The following HOMER2 variants were observed in gnomAD, a reference collection of about 807,000 sequenced individuals.
HOMER2 encodes the protein homer scaffold protein 2.
In HOMER2, 27 loss-of-function variants were observed where a neutral mutation model predicts 47.0. The observed-to-expected ratio is 0.57, with a 90% CI of 0.42 to 0.79. The LOEUF (loss-of-function observed/expected upper bound fraction) is 0.79, where lower values mean the gene tolerates loss of function less well. Among genes scored for constraint, HOMER2 ranks in the 30% least tolerant of loss-of-function variants. The pLI is 0.00. For synonymous variants in HOMER2, 161 were observed against 163.8 expected (o/e 0.98, Z 0.13); for missense variants, 443 against 435.0 (o/e 1.02, Z -0.16).
At chr15:82,920,245 G>A (rs923696332) in intron 1 of HOMER2, among the ~76,000 whole-genome samples, 3 of 152,124 alleles carry the variant, frequency 2.0e-5, no homozygotes, top group African/African-American at 7.2e-5. Flanking sequence ...CAAGATGAGC[G>A]GGAGGTCAAC....
At position 82,852,303 on chromosome 15, in the gene HOMER2, A is replaced by G. The variant is rs374369929; in HGVS notation, c.652-51T>C. 2.4e-6 allele frequency: 3 copies of G among 1,254,154 alleles called. No individual in the cohort carries two copies. The African/African-American group carries it at 4.4e-5, about 18-fold the overall frequency. The allele number at this position is 1,254,154 out of a possible 1,614,324, so 77.7% of individuals were successfully genotyped here. A position where few individuals can be genotyped will look rare whatever the true frequency, so the allele number is the denominator to read the frequency against. On this transcript the variant is annotated intron_variant, in intron 6 of 8. Coordinates refer to ENST00000450735, the MANE Select transcript of HOMER2 (RefSeq NM_004839.4). The stretch of plus-strand genomic sequence containing the variant: ...CAGGGACGCCAGCTTAACATTAGTC[A>G]TTAAGCAAGAGATCACCACAGCTAT...
intron 1 of HOMER2, among the ~76,000 whole-genome samples, chr15:82,919,640 A>C (rs1177450023): frequency 6.6e-6 from 1 of 152,246 alleles, no homozygotes; most frequent in Non-Finnish European, 1.5e-5. Context: ...CAAGTCAATA[A>C]ATTAACACAA....
At chr15:82,904,789 C>T (rs1189390719) in intron 1 of HOMER2, among the ~76,000 whole-genome samples, 1 of 152,102 alleles carries the variant, frequency 6.6e-6, no homozygotes, top group Non-Finnish European at 1.5e-5. Context: ...TCCCCTCCCC[C>T]GGACCTTATC....
chr15:82,905,349 G>GC (rs1419903194), intron 1 of HOMER2, among the ~76,000 whole-genome samples: 9 of 149,802 alleles, frequency 6.0e-5, no homozygotes, highest in Admixed American at 6.0e-4. Context: ...TATAAGATAG[G>GC]CATAATAAAA....
intron 2 of HOMER2, among the ~76,000 whole-genome samples, chr15:82,881,163 A>T (rs1333538543): frequency 6.6e-6 from 1 of 152,212 alleles, no homozygotes; most frequent in Non-Finnish European, 1.5e-5. Flanking sequence ...TTCACAGAGA[A>T]AGAAGCCACC....
intron 2 of HOMER2, among the ~76,000 whole-genome samples, chr15:82,888,776 T>A (rs1285913864): frequency 2.7e-3 from 216 of 80,096 alleles, no homozygotes; most frequent in East Asian, 6.6e-3. Flanking sequence ...GCACACACAC[T>A]GGCCTGCGCC....
At chr15:82,838,416 A>G (rs932732372) in exon 2 of HOMER2, 3 of 152,270 alleles carry the variant, frequency 2.0e-5, no homozygotes, top group African/African-American at 7.2e-5. Context: ...TGGCAGCCAC[A>G]GAATTATTTC....
At chr15:82,980,695 C>T (rs1383433895) in intron 1 of HOMER2, among the ~76,000 whole-genome samples, 1 of 152,098 alleles carries the variant, frequency 6.6e-6, no homozygotes, top group Non-Finnish European at 1.5e-5. Context: ...AACTTGGAAA[C>T]AAAGTGAGAA....
chr15:82,882,722 T>C (rs1490534989), intron 2 of HOMER2, among the ~76,000 whole-genome samples: 1 of 152,174 alleles, frequency 6.6e-6, no homozygotes, highest in Non-Finnish European at 1.5e-5. Context: ...GCAGAGGAGC[T>C]GGCTGTGCCT....
chr15:82,859,212 C>A, intron 4 of HOMER2, 77 bp from the exon 5 acceptor site: 1 of 1,600,424 alleles, frequency 6.2e-7, no homozygotes, highest in Non-Finnish European at 8.5e-7. Flanking sequence ...CTTGTCTGCA[C>A]ATCGGCAGCA....
intron 1 of HOMER2, among the ~76,000 whole-genome samples, chr15:82,942,224 C>T (rs944780687): frequency 1.3e-5 from 2 of 152,208 alleles, no homozygotes; most frequent in East Asian, 3.8e-4. Context: ...CAGCCATCTC[C>T]CTCAGGAAGG....
intron 1 of HOMER2, among the ~76,000 whole-genome samples, chr15:82,972,492 G>C (rs1016812846): frequency 2.0e-5 from 3 of 152,140 alleles, no homozygotes; most frequent in Non-Finnish European, 2.9e-5. Flanking sequence ...TGGATTACAG[G>C]CATGTGCCAC....
chr15:82,975,026 C>T (rs1268600780), intron 1 of HOMER2, among the ~76,000 whole-genome samples: 1 of 152,084 alleles, frequency 6.6e-6, no homozygotes, highest in African/African-American at 2.4e-5. Flanking sequence ...GCCAAGATTG[C>T]ACCACTGCAC....
At chr15:82,836,570 G>A (rs2051129386), downstream of HOMER2, among the ~76,000 whole-genome samples, 1 of 152,196 alleles carries the variant, frequency 6.6e-6, no homozygotes, top group Admixed American at 6.5e-5. Flanking sequence ...TTTTCCGCCA[G>A]GTCTTCTCTG....
intron 1 of HOMER2, among the ~76,000 whole-genome samples, chr15:82,910,638 T>A (rs190516166): frequency 2.6e-5 from 4 of 152,314 alleles, no homozygotes; most frequent in African/African-American, 9.6e-5. Flanking sequence ...CTGCTTTAGA[T>A]AATAGGGAAG....
At chr15:82,873,465 G>C (rs923783492) in intron 3 of HOMER2, among the ~76,000 whole-genome samples, 1 of 152,176 alleles carries the variant, frequency 6.6e-6, no homozygotes, top group Non-Finnish European at 1.5e-5. Flanking sequence ...CTCCTCCCAG[G>C]TACCGTATCA....
At chr15:82,871,064 T>C (rs2052160551) in intron 3 of HOMER2, among the ~76,000 whole-genome samples, 1 of 152,252 alleles carries the variant, frequency 6.6e-6, no homozygotes, top group South Asian at 2.1e-4. Context: ...AAGTGCCTTT[T>C]CAATTTCCTT....
intron 1 of HOMER2, among the ~76,000 whole-genome samples, chr15:82,907,692 G>C (rs1391486857): frequency 6.6e-6 from 1 of 152,096 alleles, no homozygotes; most frequent in Non-Finnish European, 1.5e-5. Context: ...CTTTTTCAAA[G>C]TGACATGGAA....
At chr15:82,894,454 G>A (rs534244059) in intron 1 of HOMER2, among the ~76,000 whole-genome samples, 2 of 152,060 alleles carry the variant, frequency 1.3e-5, no homozygotes, top group East Asian at 1.9e-4. Context: ...TGCGGATCAC[G>A]AGGTCAGGAG....
Sources: gnomAD v4.1 joint callset for allele counts (sites outside exome capture counted in the v4.1 genomes callset) on GRCh38, gnomAD v4.1.1 for gene constraint, MANE v1.5 for transcripts, NCBI Gene and HGNC (gene_info 2026-07-23, HGNC 2026-07-21) for gene names.